The following COMMD7 variants were observed in gnomAD, a reference collection of about 807,000 sequenced individuals.
The protein encoded by COMMD7 is COMM domain containing 7, also known as COMM domain-containing protein 7.
In COMMD7, 28 loss-of-function variants were observed where a neutral mutation model predicts 34.8. The observed-to-expected ratio is 0.80, with a 90% CI of 0.60 to 1.10. The LOEUF is 1.10. Among genes scored for constraint, COMMD7 ranks in the 50% least tolerant of loss-of-function variants. COMMD7 has a pLI of 0.00. For missense variants in COMMD7, 211 were observed against 241.6 expected (o/e 0.87, Z 0.84); for synonymous variants, 80 against 86.4 (o/e 0.93, Z 0.41).
rs773703002 is a variant in COMMD7, at chr20:32,706,663, C to T, written c.298+41G>A. 3.1e-6 allele frequency: 5 copies of T among 1,612,710 alleles called. No individual in the cohort carries two copies. In the Admixed American group the frequency reaches 6.7e-5, roughly 22 times the overall value. The stretch of plus-strand genomic sequence containing the variant: ...GAGATATTAACATAATAAAAAGCCT[C>T]AGAAGCCAGTCACCCTGAGCAACCC... On this transcript the variant is annotated intron_variant, in intron 4 of 8. Coordinates refer to ENST00000278980, the MANE Select transcript of COMMD7 (RefSeq NM_053041.3).
chr20:32,718,764 T>C (rs1206124419), intron 3 of COMMD7, among the ~76,000 whole-genome samples: 4 of 151,918 alleles, frequency 2.6e-5, no homozygotes, highest in Non-Finnish European at 4.4e-5. Flanking sequence ...AAGCTTTTAC[T>C]TGACTCTCCC....
intron 3 of COMMD7, among the ~76,000 whole-genome samples, chr20:32,710,302 G>T (rs1984359193): frequency 6.6e-6 from 1 of 152,090 alleles, no homozygotes; most frequent in Non-Finnish European, 1.5e-5. Context: ...TAGAACACCA[G>T]CTTGATAAGA....
intron 3 of COMMD7, among the ~76,000 whole-genome samples, chr20:32,708,390 A>G (rs1984223758): frequency 6.6e-6 from 1 of 152,092 alleles, no homozygotes; most frequent in African/African-American, 2.4e-5. Context: ...AACAATCCTA[A>G]AGGCTGTTGT....
At chr20:32,731,000 G>C (rs1245901508) in intron 1 of COMMD7, among the ~76,000 whole-genome samples, 1 of 152,144 alleles carries the variant, frequency 6.6e-6, no homozygotes, top group Non-Finnish European at 1.5e-5. Flanking sequence ...CATCTGTCAG[G>C]ACTCTGTATT....
intron 3 of COMMD7, among the ~76,000 whole-genome samples, chr20:32,709,488 T>C (rs1335233734): frequency 6.6e-6 from 1 of 151,394 alleles, no homozygotes; most frequent in African/African-American, 2.4e-5. Context: ...CAGGTGGAGG[T>C]TGCCGTGAGC....
intron 3 of COMMD7, among the ~76,000 whole-genome samples, chr20:32,707,483 C>A (rs1984170258): frequency 6.6e-6 from 1 of 151,366 alleles, no homozygotes; most frequent in Non-Finnish European, 1.5e-5. Context: ...CCACACCAAA[C>A]CAATTTTTGT....
chr20:32,732,959 G>A (rs1985925423), intron 1 of COMMD7, among the ~76,000 whole-genome samples: 1 of 149,204 alleles, frequency 6.7e-6, no homozygotes, highest in Non-Finnish European at 1.5e-5. Flanking sequence ...AAAGAAGGTC[G>A]GACGCGGTGG....
intron 3 of COMMD7, among the ~76,000 whole-genome samples, chr20:32,721,575 T>C (rs1214631788): frequency 6.7e-6 from 1 of 148,858 alleles, no homozygotes; most frequent in Non-Finnish European, 1.5e-5. Context: ...CAAAACTCCA[T>C]CTCTACTAAA....
intron 3 of COMMD7, among the ~76,000 whole-genome samples, chr20:32,711,415 TAAAAAAA>T (rs76264991): frequency 8.1e-6 from 1 of 123,998 alleles, no homozygotes. Flanking sequence ...AAATGTTACT[TAAAAAAA>T]AAAAAAAAAG....
intron 3 of COMMD7, among the ~76,000 whole-genome samples, chr20:32,719,188 C>T (rs759922734): frequency 9.9e-5 from 15 of 152,154 alleles, no homozygotes; most frequent in Non-Finnish European, 2.1e-4. Flanking sequence ...CAGGATGATC[C>T]AAGTTGTGCT....
chr20:32,721,562 T>A (rs1347410391), intron 3 of COMMD7, among the ~76,000 whole-genome samples: 1 of 150,178 alleles, frequency 6.7e-6, no homozygotes, highest in East Asian at 2.0e-4. Context: ...CTGGCCAACA[T>A]GGCAAAACTC....
chr20:32,716,614 CAAAAACAAA>C (rs1984802867), intron 3 of COMMD7, among the ~76,000 whole-genome samples: 1 of 151,718 alleles, frequency 6.6e-6, no homozygotes, highest in African/African-American at 2.4e-5. Flanking sequence ...GACTCCGTCT[CAAAAACAAA>C]AAAAACAAAA....
Position 32,739,986 on chromosome 20 carries a change from C to T in COMMD7, c.84+3322G>A. ...TCAGTGAGCCGAGATCACATCCCCGCACTCTAGCCTGGGCAACAAAGCGAG... is the reference window on the plus strand; with the variant it reads ...TCAGTGAGCCGAGATCACATCCCCGTACTCTAGCCTGGGCAACAAAGCGAG... On this transcript the variant is annotated intron_variant, in intron 1 of 8. Transcript: ENST00000278980. Among the ~76,000 whole-genome samples the T allele has an allele frequency of 1.4e-5, 2 of 142,342 alleles. 1 individual carries two copies. The highest frequency in any genetic ancestry group is 5.0e-4 in the South Asian group (2 of 4,012). 93.4% of individuals were successfully genotyped at this position (142,342 alleles called of 152,430 possible). A position where few individuals can be genotyped will look rare whatever the true frequency, so the allele number is the denominator to read the frequency against.
chr20:32,708,166 A>G (rs960832661), intron 3 of COMMD7, among the ~76,000 whole-genome samples: 1 of 152,192 alleles, frequency 6.6e-6, no homozygotes, highest in Non-Finnish European at 1.5e-5. Context: ...CTAGGCTCCA[A>G]TTCCTGAAAA....
At chr20:32,736,276 G>A (rs1056035022) in intron 1 of COMMD7, among the ~76,000 whole-genome samples, 2 of 152,152 alleles carry the variant, frequency 1.3e-5, no homozygotes, top group Non-Finnish European at 2.9e-5. Context: ...CTAACAGAGT[G>A]GGTACTTGGA....
At chr20:32,737,815 G>A (rs1986224772) in intron 1 of COMMD7, among the ~76,000 whole-genome samples, 1 of 144,918 alleles carries the variant, frequency 6.9e-6, no homozygotes, top group Non-Finnish European at 1.5e-5. Flanking sequence ...TCCAGCCTTG[G>A]CAACAGAGTG....
intron 3 of COMMD7, among the ~76,000 whole-genome samples, chr20:32,723,106 C>T (rs1985283378): frequency 2.6e-5 from 1 of 37,832 alleles, no homozygotes; most frequent in Admixed American, 1.8e-4. Flanking sequence ...CTCTCCGTCT[C>T]CCTCTCCCTC....
At chr20:32,719,696 TTAAC>T (rs1985038711) in intron 3 of COMMD7, among the ~76,000 whole-genome samples, 2 of 152,218 alleles carry the variant, frequency 1.3e-5, no homozygotes, top group African/African-American at 4.8e-5. Context: ...CTTTGGGACA[TTAAC>T]TAGCCCAGAC....
intron 3 of COMMD7, among the ~76,000 whole-genome samples, chr20:32,717,533 C>G (rs1410598577): frequency 2.0e-5 from 3 of 151,708 alleles, no homozygotes; most frequent in Non-Finnish European, 4.4e-5. Context: ...GCCATGTTGG[C>G]CAGGCTGGTC....
Sources: gnomAD v4.1 joint callset for allele counts (sites outside exome capture counted in the v4.1 genomes callset) on GRCh38, gnomAD v4.1.1 for gene constraint, MANE v1.5 for transcripts, NCBI Gene and HGNC (gene_info 2026-07-23, HGNC 2026-07-21) for gene names.